The following GULP1 variants were observed in gnomAD, a reference collection of about 807,000 sequenced individuals.
GULP1 encodes the protein PTB domain-containing engulfment adapter protein 1.
Under a neutral mutation model 40.9 loss-of-function variants are expected in GULP1, and 19 were observed. The ratio of observed to expected loss-of-function variants is 0.46; its 90% confidence interval spans 0.32 to 0.68. The LOEUF (loss-of-function observed/expected upper bound fraction) is 0.68. Among genes scored for constraint, GULP1 ranks in the 30% least tolerant of loss-of-function variants. The pLI, the probability that GULP1 is intolerant of heterozygous loss-of-function variation, is 0.03. For synonymous variants in GULP1, 119 were observed against 117.6 expected (o/e 1.01, Z -0.08); for missense variants, 312 against 362.2 (o/e 0.86, Z 1.12).
chr2:188,388,550 C>A (rs28528331), intron 2 of GULP1, among the ~76,000 whole-genome samples: 3,422 of 150,276 alleles, frequency 0.023, 140 homozygotes, highest in African/African-American at 0.079. Flanking sequence ...CTCAAAAAAT[C>A]AAAAAAAACA....
intron 4 of GULP1, among the ~76,000 whole-genome samples, chr2:188,493,327 C>T (rs536787062): frequency 3.3e-5 from 5 of 151,974 alleles, no homozygotes; most frequent in African/African-American, 9.7e-5. Flanking sequence ...CCCAATTTCC[C>T]TCCTTGAAGG....
chr2:188,502,714 C>A (rs1298072966), intron 4 of GULP1, among the ~76,000 whole-genome samples: 2 of 151,890 alleles, frequency 1.3e-5, no homozygotes, highest in Non-Finnish European at 2.9e-5. Flanking sequence ...AATTTAATCT[C>A]TGGGTGTTTC....
intron 4 of GULP1, among the ~76,000 whole-genome samples, chr2:188,510,570 AT>A (rs2064403691): frequency 6.6e-6 from 1 of 152,082 alleles, no homozygotes; most frequent in African/African-American, 2.4e-5. Context: ...ACCAAAACTT[AT>A]AAAGCAACTA....
chr2:188,413,081 G>C (rs991555420), intron 2 of GULP1, among the ~76,000 whole-genome samples: 1 of 152,142 alleles, frequency 6.6e-6, no homozygotes. Flanking sequence ...AGGCTCTTCC[G>C]ATTGAAAATT....
intron 2 of GULP1, among the ~76,000 whole-genome samples, chr2:188,440,021 CAGAG>C (rs762889548): frequency 6.6e-6 from 1 of 152,026 alleles, no homozygotes; most frequent in Non-Finnish European, 1.5e-5. Flanking sequence ...GAGGAAATAA[CAGAG>C]AGGAGATACA....
At chr2:188,418,774 T>C (rs72909598) in intron 2 of GULP1, among the ~76,000 whole-genome samples, 1,851 of 152,326 alleles carry the variant, frequency 0.012, 16 homozygotes, top group East Asian at 0.022. Flanking sequence ...TTTAAATGTG[T>C]AATACATTAT....
intron 1 of GULP1, among the ~76,000 whole-genome samples, chr2:188,334,807 G>T (rs2042053797): frequency 6.6e-6 from 1 of 152,164 alleles, no homozygotes; most frequent in African/African-American, 2.4e-5. Context: ...TCATATTTGG[G>T]ATAGAAAGGT....
chr2:188,519,401 T>C (rs926748193), intron 4 of GULP1, among the ~76,000 whole-genome samples: 2 of 152,198 alleles, frequency 1.3e-5, no homozygotes, highest in Non-Finnish European at 2.9e-5. Flanking sequence ...TGAATATTCC[T>C]CCAGAAATAC....
chr2:188,331,476 C>G (rs187625288), intron 1 of GULP1, among the ~76,000 whole-genome samples: 1 of 152,284 alleles, frequency 6.6e-6, no homozygotes, highest in Non-Finnish European at 1.5e-5. Flanking sequence ...ACATAAGAAT[C>G]ACTTAGAGCA....
chr2:188,491,438 A>G (rs1267252825), intron 4 of GULP1: 1 of 152,030 alleles, frequency 6.6e-6, no homozygotes, highest in Non-Finnish European at 1.5e-5. Context: ...CTTAACAGAG[A>G]ACGTAGGAGA....
chr2:188,543,721 T>C (rs906142995), intron 7 of GULP1, among the ~76,000 whole-genome samples: 22 of 152,172 alleles, frequency 1.4e-4, no homozygotes, highest in Admixed American at 6.6e-4. Context: ...AAGTAGTCAG[T>C]AGAATCAGGA....
At chr2:188,374,519 A>G (rs990981415) in intron 1 of GULP1, among the ~76,000 whole-genome samples, 4 of 152,304 alleles carry the variant, frequency 2.6e-5, no homozygotes, top group South Asian at 4.1e-4. Context: ...TAAGGCAAGA[A>G]ACATGAGGTC....
At chr2:188,365,533 C>A (rs531726323) in intron 1 of GULP1, among the ~76,000 whole-genome samples, 1 of 152,122 alleles carries the variant, frequency 6.6e-6, no homozygotes, top group Non-Finnish European at 1.5e-5. Context: ...TTCTTGAGTG[C>A]TACCAATATT....
At chr2:188,309,268 C>A (rs113842466) in intron 1 of GULP1, among the ~76,000 whole-genome samples, 4 of 152,104 alleles carry the variant, frequency 2.6e-5, no homozygotes, top group South Asian at 2.1e-4. Context: ...CAGTTCAAGA[C>A]CAGCCTGGGC....
intron 2 of GULP1, among the ~76,000 whole-genome samples, chr2:188,472,387 C>G (rs1354511307): frequency 6.6e-6 from 1 of 152,106 alleles, no homozygotes; most frequent in Non-Finnish European, 1.5e-5. Flanking sequence ...TCTCTGTTCC[C>G]TCTTTAAGGC....
At chr2:188,533,758 A>G (rs1325526780) in intron 6 of GULP1, among the ~76,000 whole-genome samples, 1 of 152,220 alleles carries the variant, frequency 6.6e-6, no homozygotes, top group African/African-American at 2.4e-5. Context: ...TCCGGAATCT[A>G]TAAGGAACTT....
chr2:188,366,349 T>C (rs750415209), intron 1 of GULP1, among the ~76,000 whole-genome samples: 2 of 152,080 alleles, frequency 1.3e-5, no homozygotes, highest in African/African-American at 4.8e-5. Context: ...CTAGACAGAT[T>C]GATGTTTATG....
intron 7 of GULP1, among the ~76,000 whole-genome samples, chr2:188,542,939 C>T (rs1375882172): frequency 7.9e-5 from 12 of 152,014 alleles, no homozygotes; most frequent in Admixed American, 7.9e-4. Context: ...CCTTAAGGTC[C>T]TTTGAAATGT....
intron 2 of GULP1, among the ~76,000 whole-genome samples, chr2:188,470,967 A>G (rs1007429200): frequency 2.6e-5 from 4 of 152,066 alleles, no homozygotes; most frequent in Non-Finnish European, 5.9e-5. Flanking sequence ...TGCTTTGTTA[A>G]TTTTTTGTCT....
Sources: allele counts gnomAD v4.1 joint callset (sites outside exome capture counted in the v4.1 genomes callset), GRCh38; gene constraint gnomAD v4.1.1; transcripts MANE v1.5; gene names NCBI Gene and HGNC (gene_info 2026-07-23, HGNC 2026-07-21).